The following AOPEP variants were observed in gnomAD, a reference collection of about 807,000 sequenced individuals.
AOPEP encodes aminopeptidase O.
Under a neutral mutation model 98.1 loss-of-function variants are expected in AOPEP, and 77 were observed. That is an observed-to-expected ratio of 0.78 (90% CI 0.65 to 0.95). The LOEUF (loss-of-function observed/expected upper bound fraction) is 0.95. Ranked by LOEUF, AOPEP falls within the 40% of genes least tolerant of loss-of-function variation. AOPEP has a pLI of 0.00. For synonymous variants in AOPEP, 346 were observed against 365.3 expected (o/e 0.95, Z 0.60); for missense variants, 1,024 against 1,024.7 (o/e 1.00, Z 0.01).
intron 2 of AOPEP, among the ~76,000 whole-genome samples, chr9:94,771,339 G>A (rs1001941928): frequency 3.9e-5 from 6 of 152,114 alleles, no homozygotes; most frequent in East Asian, 1.9e-4. Context: ...CATTTCACCC[G>A]TGACTCAGAA....
At chr9:95,085,143 G>A in intron 16 of AOPEP, 2 of 432,652 alleles carry the variant, frequency 4.6e-6, no homozygotes, top group Admixed American at 2.5e-5. Context: ...GCGTGAAGGC[G>A]GCAGTGTCGC....
At chr9:94,894,954 G>A (rs1482103541) in intron 5 of AOPEP, among the ~76,000 whole-genome samples, 1 of 152,092 alleles carries the variant, frequency 6.6e-6, no homozygotes. Context: ...TGCAAATAAG[G>A]CAGTTAGCAA....
chr9:94,965,865 C>T (rs1664604825), intron 9 of AOPEP, among the ~76,000 whole-genome samples: 1 of 147,478 alleles, frequency 6.8e-6, no homozygotes, highest in Admixed American at 6.8e-5. Context: ...CATCAGAGTC[C>T]TGTGTAGAGT....
chr9:95,136,196 G>A, the AOPEP span, among the ~76,000 whole-genome samples: 3 of 151,994 alleles, frequency 2.0e-5, no homozygotes, highest in Non-Finnish European at 4.4e-5. Context: ...TTCAAGACCA[G>A]CCTGGTCAAA....
rs187789708 is a variant in AOPEP, at chr9:94,876,065, A to C, written c.1365-47921A>C. Reference sequence around the variant, plus strand: ...GAAACAAACCAAACCAAATGAAACAAGTCACAATTGAGGCAATATAGGCAG... The same window carrying C: ...GAAACAAACCAAACCAAATGAAACACGTCACAATTGAGGCAATATAGGCAG... On this transcript the variant is annotated intron_variant, in intron 5 of 16. Coordinates refer to ENST00000375315, the MANE Select transcript of AOPEP (RefSeq NM_001193329.3). Among the ~76,000 whole-genome samples the C allele has an allele frequency of 6.2e-4, 95 of 152,350 alleles. 1 individual carries two copies. Among genetic ancestry groups the C allele is most frequent in the Non-Finnish European group, 1.1e-3 (75 of 68,034 alleles).
chr9:94,940,050 C>T (rs1010981708), intron 7 of AOPEP, among the ~76,000 whole-genome samples: 10 of 152,278 alleles, frequency 6.6e-5, no homozygotes, highest in East Asian at 1.9e-4. Context: ...CCAAAAATAT[C>T]GGAAGTCTGA....
intron 3 of AOPEP, among the ~76,000 whole-genome samples, chr9:94,774,181 G>A (rs1161406790): frequency 6.6e-6 from 1 of 151,696 alleles, no homozygotes; most frequent in Non-Finnish European, 1.5e-5. Flanking sequence ...GCGTGGGGGC[G>A]GTTGCCTGTC....
intron 14 of AOPEP, among the ~76,000 whole-genome samples, chr9:95,073,465 A>G (rs974367430): frequency 6.7e-6 from 1 of 148,678 alleles, no homozygotes; most frequent in Non-Finnish European, 1.5e-5. Flanking sequence ...AAAAGAAAGA[A>G]GAGGCCGGCG....
At chr9:94,830,610 A>T (rs1322345251) in intron 5 of AOPEP, among the ~76,000 whole-genome samples, 1 of 152,116 alleles carries the variant, frequency 6.6e-6, no homozygotes, top group Non-Finnish European at 1.5e-5. Flanking sequence ...CTGCTTCTGG[A>T]TCTTTGAGGA....
Position 95,086,909 on chromosome 9 carries a change from C to G in AOPEP, c.*232C>G. ...CCCTCCCTGGAGGCTGCCTCCTGCC[C>G]TGGATCTGGAGTGGAGCTGCTCTGA... On this transcript the variant is annotated 3_prime_UTR_variant, in exon 17 of 17. Coordinates refer to ENST00000375315, the MANE Select transcript of AOPEP (RefSeq NM_001193329.3). The G allele has an allele frequency of 1.0e-6, 1 of 987,908 alleles. No homozygotes were observed. Among genetic ancestry groups the G allele is most frequent in the Non-Finnish European group, 1.2e-6 (1 of 830,098 alleles). 61.2% of individuals were successfully genotyped at this position (987,908 alleles called of 1,614,324 possible). A position where few individuals can be genotyped will look rare whatever the true frequency, so the allele number is the denominator to read the frequency against.
chr9:94,944,909 A>G (rs2057443819), intron 7 of AOPEP, among the ~76,000 whole-genome samples: 1 of 152,202 alleles, frequency 6.6e-6, no homozygotes, highest in Non-Finnish European at 1.5e-5. Context: ...TTACATCTCA[A>G]TTTTTTAAAA....
At position 94,773,081 on chromosome 9, in the gene AOPEP, A is replaced by G; in HGVS notation, c.877A>G (p.Thr293Ala). 1.9e-6 allele frequency: 3 copies of G among 1,614,146 alleles called. No homozygotes were observed. The highest frequency in any genetic ancestry group is 1.7e-6 in the Non-Finnish European group (2 of 1,180,024). The part of the protein sequence containing the change: ...PCQEPPVAMS[T>A]WQATVRAAAS... ...CCAGGAGCCACCCGTTGCCATGTCA[A>G]CATGGCAGGCTACAGTTCGAGCAGC... The change falls in exon 3 of 17, where the codon ACA becomes GCA. Residue 293 changes from threonine (T) to alanine (A), a missense_variant. Thr to Ala is a moderately conservative substitution (Grantham distance 58, BLOSUM62 0). Coordinates refer to ENST00000375315, the MANE Select transcript of AOPEP (RefSeq NM_001193329.3).
intron 4 of AOPEP, among the ~76,000 whole-genome samples, chr9:94,794,472 C>T (rs1430118912): frequency 2.0e-5 from 3 of 152,180 alleles, no homozygotes; most frequent in Admixed American, 6.5e-5. Flanking sequence ...GCTGCTTTTA[C>T]TAGTACCACA....
chr9:94,953,125 A>G (rs1214279628), intron 7 of AOPEP, among the ~76,000 whole-genome samples: 1 of 152,202 alleles, frequency 6.6e-6, no homozygotes, highest in Non-Finnish European at 1.5e-5. Context: ...CTGACTCTTG[A>G]GAAGTCTCCC....
chr9:94,803,585 A>G (rs1014682158), intron 5 of AOPEP, among the ~76,000 whole-genome samples: 2 of 152,246 alleles, frequency 1.3e-5, no homozygotes, highest in African/African-American at 4.8e-5. Flanking sequence ...ACTTGAATGT[A>G]TGATAATGAC....
chr9:95,117,871 G>A, the AOPEP span, among the ~76,000 whole-genome samples: 6 of 151,706 alleles, frequency 4.0e-5, no homozygotes, highest in Admixed American at 6.6e-5. Flanking sequence ...ACAGGCATGC[G>A]CCACCAAGCA....
intron 7 of AOPEP, among the ~76,000 whole-genome samples, chr9:94,938,298 A>G (rs537197493): frequency 6.6e-6 from 1 of 152,240 alleles, no homozygotes; most frequent in East Asian, 1.9e-4. Flanking sequence ...GTGCTCCGTG[A>G]GTGTTGAAAA....
chr9:94,857,285 C>T (rs2044341445), intron 5 of AOPEP, among the ~76,000 whole-genome samples: 2 of 152,162 alleles, frequency 1.3e-5, no homozygotes, highest in Non-Finnish European at 2.9e-5. Context: ...TTCTTATGAT[C>T]GTCATTTCTT....
intron 5 of AOPEP, among the ~76,000 whole-genome samples, chr9:94,917,921 C>T (rs1234540405): frequency 1.3e-5 from 2 of 152,182 alleles, no homozygotes; most frequent in Non-Finnish European, 2.9e-5. Context: ...TCTGCTCCCC[C>T]AGCTCCTTTC....
Sources: allele counts gnomAD v4.1 joint callset (sites outside exome capture counted in the v4.1 genomes callset), GRCh38; gene constraint gnomAD v4.1.1; transcripts MANE v1.5; gene names NCBI Gene and HGNC (gene_info 2026-07-23, HGNC 2026-07-21).